SNU13: variants seen among roughly 807,000 people sequenced by gnomAD.
SNU13 encodes the protein small nuclear ribonucleoprotein 13.
SNU13 carries 2 observed loss-of-function variants against 12.4 expected under a neutral mutation model. That is an observed-to-expected ratio of 0.16 (90% CI 0.07 to 0.51). The LOEUF (loss-of-function observed/expected upper bound fraction) is 0.51. Among genes scored for constraint, SNU13 ranks in the 20% least tolerant of loss-of-function variants. The pLI, the probability that SNU13 is intolerant of heterozygous loss-of-function variation, is 0.96. For synonymous variants in SNU13, 68 were observed against 66.5 expected (o/e 1.02, Z -0.11); for missense variants, 66 against 157.8 (o/e 0.42, Z 3.12).
At chr22:41,677,655 TTAAG>T (rs768261498) in intron 2 of SNU13, among the ~76,000 whole-genome samples, 42 of 152,308 alleles carry the variant, frequency 2.8e-4, no homozygotes, top group Non-Finnish European at 4.6e-4. Flanking sequence ...TTTATAAGTG[TTAAG>T]TAAGATCATA....
At chr22:41,677,979 CTT>C (rs1260598847) in intron 2 of SNU13, among the ~76,000 whole-genome samples, 11 of 143,766 alleles carry the variant, frequency 7.7e-5, no homozygotes, top group Non-Finnish European at 7.6e-5. Context: ...TTACAGCATT[CTT>C]TTTTTTTTTT....
At chr22:41,682,375 G>A in intron 1 of SNU13, 1 of 1,614,072 alleles carries the variant, frequency 6.2e-7, no homozygotes, top group Non-Finnish European at 8.5e-7. Flanking sequence ...TGTCTTGGTA[G>A]TCTCTTGCCG....
upstream of SNU13, chr22:41,688,987 T>C: frequency 7.5e-7 from 1 of 1,328,044 alleles, no homozygotes; most frequent in Non-Finnish European, 9.7e-7. Context: ...TGGCCCTGTG[T>C]CGAAGAAGGA....
chr22:41,680,685 T>C (rs149430238), intron 1 of SNU13, among the ~76,000 whole-genome samples: 219 of 152,344 alleles, frequency 1.4e-3, no homozygotes, highest in African/African-American at 5.1e-3. Flanking sequence ...TTTGAGTCCA[T>C]GGCTAATCCA....
intron 1 of SNU13, 114 bp from the exon 2 acceptor site, chr22:41,680,478 C>T (rs554782785): frequency 1.8e-6 from 2 of 1,110,970 alleles, no homozygotes; most frequent in East Asian, 2.5e-5. Context: ...GCTCCCTAAC[C>T]CTCAAACACA....
At chr22:41,680,192 A>G in intron 2 of SNU13, 52 bp downstream of exon 2, 7 of 1,561,722 alleles carry the variant, frequency 4.5e-6, no homozygotes, top group Non-Finnish European at 6.1e-6. Flanking sequence ...GAGGCCCCAG[A>G]TGGAAACAGG....
chr22:41,675,894 G>A (rs375441197), intron 2 of SNU13, among the ~76,000 whole-genome samples: 2 of 151,158 alleles, frequency 1.3e-5, no homozygotes, highest in East Asian at 1.9e-4. Context: ...GGGATTACAG[G>A]TGCCTGCCAC....
At position 41,675,289 on chromosome 22, in the gene SNU13, T is replaced by C. The variant is rs1232492702; in HGVS notation, c.125-94A>G. 4.7e-6 allele frequency: 7 copies of C among 1,487,128 alleles called. No individual in the cohort carries two copies. The African/African-American group carries it at 9.6e-5, about 20-fold the overall frequency. 92.1% of individuals were successfully genotyped at this position (1,487,128 alleles called of 1,614,324 possible). Reference sequence around the variant, plus strand: ...AAGAATGCCTAGGCACACACAATTATGTGTCCTAGACCGGCCCTGGGATAT... The same window carrying C: ...AAGAATGCCTAGGCACACACAATTACGTGTCCTAGACCGGCCCTGGGATAT... On this transcript the variant is annotated intron_variant, in intron 2 of 2. Transcript: ENST00000401959.
At chr22:41,676,287 C>T (rs1254507125) in intron 2 of SNU13, among the ~76,000 whole-genome samples, 1 of 152,174 alleles carries the variant, frequency 6.6e-6, no homozygotes, top group Non-Finnish European at 1.5e-5. Context: ...CAGATGCGTA[C>T]TCTCCTGACT....
At chr22:41,689,875 G>A (rs1053556953), upstream of SNU13, among the ~76,000 whole-genome samples, 2 of 151,982 alleles carry the variant, frequency 1.3e-5, no homozygotes, top group African/African-American at 4.8e-5. Flanking sequence ...CTACTCGGGA[G>A]GTTGAGGCAG....
intron 2 of SNU13, among the ~76,000 whole-genome samples, chr22:41,676,812 G>GC (rs2147132348): frequency 6.6e-6 from 1 of 152,084 alleles, no homozygotes; most frequent in African/African-American, 2.4e-5. Flanking sequence ...CTCTCGCTTT[G>GC]CCGTCAGCCT....
intron 1 of SNU13, among the ~76,000 whole-genome samples, chr22:41,682,201 T>C (rs138543493): frequency 1.0e-3 from 157 of 151,530 alleles, no homozygotes; most frequent in African/African-American, 3.7e-3. Context: ...CACTCATCTA[T>C]AGCGCCTGCC....
At chr22:41,686,139 C>T (rs1224743680) in intron 1 of SNU13, among the ~76,000 whole-genome samples, 1 of 151,960 alleles carries the variant, frequency 6.6e-6, no homozygotes, top group African/African-American at 2.4e-5. Flanking sequence ...AGCACTCAGT[C>T]CCTTTACATA....
At chr22:41,676,993 G>A (rs2068220420) in intron 2 of SNU13, among the ~76,000 whole-genome samples, 2 of 152,032 alleles carry the variant, frequency 1.3e-5, no homozygotes, top group African/African-American at 4.8e-5. Flanking sequence ...GCTATCTCTT[G>A]AACATCTTTC....
At chr22:41,683,597 A>T (rs551403465) in intron 1 of SNU13, among the ~76,000 whole-genome samples, 1 of 152,254 alleles carries the variant, frequency 6.6e-6, no homozygotes, top group African/African-American at 2.4e-5. Flanking sequence ...GTCTAATCTC[A>T]TCTATACCTA....
intron 2 of SNU13, among the ~76,000 whole-genome samples, chr22:41,675,796 G>C (rs1204543066): frequency 6.7e-6 from 1 of 149,248 alleles, no homozygotes; most frequent in Non-Finnish European, 1.5e-5. Context: ...TGTCGCCCGG[G>C]CTGGAGTGCA....
Position 41,680,323 on chromosome 22 carries a change from A to G in SNU13, c.45T>C (p.Asp15=), listed in dbSNP as rs1382829830. The stretch of plus-strand genomic sequence containing the variant: ...CCAGTAGCTTCTTGGTGAGGTGGGC[A>G]TCGGCAAGGGGATAGGCCTTTGGAT... ...DVNPKAYPLA[D]AHLTKKLLDL... is the part of the protein sequence containing the mutation. The change falls in exon 2 of 3, where the codon GAT becomes GAC. Residue 15 remains aspartate (D), a synonymous_variant. Transcript: ENST00000401959. 1 of 1,614,142 alleles carries G rather than the reference A, an allele frequency of 6.2e-7. No homozygotes were observed. Among genetic ancestry groups the G allele is most frequent in the Non-Finnish European group, 8.5e-7 (1 of 1,179,990 alleles).
At chr22:41,686,352 TG>T (rs1262979640) in intron 1 of SNU13, among the ~76,000 whole-genome samples, 6 of 151,680 alleles carry the variant, frequency 4.0e-5, no homozygotes, top group Non-Finnish European at 8.8e-5. Flanking sequence ...TCGCCCAGGC[TG>T]GAGTGCAGTG....
At chr22:41,682,052 A>G (rs760246370) in intron 1 of SNU13, among the ~76,000 whole-genome samples, 2 of 152,020 alleles carry the variant, frequency 1.3e-5, no homozygotes, top group Non-Finnish European at 2.9e-5. Context: ...ATTATAACCC[A>G]GGTGCGGCCC....
Sources: gnomAD v4.1 joint callset for allele counts (sites outside exome capture counted in the v4.1 genomes callset) on GRCh38, gnomAD v4.1.1 for gene constraint, MANE v1.5 for transcripts, NCBI Gene and HGNC (gene_info 2026-07-23, HGNC 2026-07-21) for gene names.